Variants in BBX observed in about 807,000 individuals in gnomAD.
BBX encodes the protein BBX high mobility group box domain containing, also known as HMG box transcription factor BBX.
Under a neutral mutation model 100.2 loss-of-function variants are expected in BBX, and 30 were observed. That is an observed-to-expected ratio of 0.30 (90% CI 0.22 to 0.41). The LOEUF is 0.41. Ranked by LOEUF, BBX falls within the 10% of genes least tolerant of loss-of-function variation. BBX has a pLI of 1.00. For synonymous variants in BBX, 376 were observed against 388.1 expected (o/e 0.97, Z 0.37); for missense variants, 1,023 against 1,129.8 (o/e 0.91, Z 1.35).
At chr3:107,580,470 C>G (rs1184714396) in intron 2 of BBX, among the ~76,000 whole-genome samples, 1 of 151,930 alleles carries the variant, frequency 6.6e-6, no homozygotes, top group Non-Finnish European at 1.5e-5. Flanking sequence ...ACTGAAGATT[C>G]CAAAACAAAA....
chr3:107,760,592 A>G (rs2065821525), intron 10 of BBX, among the ~76,000 whole-genome samples: 1 of 152,234 alleles, frequency 6.6e-6, no homozygotes, highest in Admixed American at 6.5e-5. Context: ...TTAATAAGGA[A>G]TCATGCAAGG....
At chr3:107,763,293 C>T (rs955315230) in intron 10 of BBX, among the ~76,000 whole-genome samples, 2 of 150,532 alleles carry the variant, frequency 1.3e-5, no homozygotes, top group African/African-American at 2.4e-5. Flanking sequence ...GGCGCGATCT[C>T]GGCTCACTGC....
intron 2 of BBX, among the ~76,000 whole-genome samples, chr3:107,547,215 A>G (rs2049306086): frequency 6.6e-6 from 1 of 152,212 alleles, no homozygotes; most frequent in Middle Eastern, 3.2e-3. Context: ...GGATGATGGC[A>G]TAAATTGTAA....
intron 2 of BBX, among the ~76,000 whole-genome samples, chr3:107,552,625 C>T (rs2049791161): frequency 6.6e-6 from 1 of 152,114 alleles, no homozygotes; most frequent in Non-Finnish European, 1.5e-5. Context: ...AGTGTGAAAT[C>T]AAGTGACTTC....
intron 2 of BBX, among the ~76,000 whole-genome samples, chr3:107,639,510 T>C (rs2057063210): frequency 6.6e-6 from 1 of 152,236 alleles, no homozygotes; most frequent in Admixed American, 6.5e-5. Flanking sequence ...TTATTCCTGA[T>C]GTAGCTGCTG....
intron 6 of BBX, among the ~76,000 whole-genome samples, chr3:107,732,215 A>G (rs956149152): frequency 6.6e-6 from 1 of 152,026 alleles, no homozygotes; most frequent in Non-Finnish European, 1.5e-5. Flanking sequence ...ACTGTTCCCA[A>G]TTCTGCTTTC....
chr3:107,589,237 C>G (rs1037584519), intron 2 of BBX, among the ~76,000 whole-genome samples: 1 of 152,160 alleles, frequency 6.6e-6, no homozygotes, highest in Non-Finnish European at 1.5e-5. Context: ...TTTTGAACAT[C>G]TACTATTTGA....
intron 2 of BBX, among the ~76,000 whole-genome samples, chr3:107,565,759 GT>G (rs1243651554): frequency 4.0e-5 from 6 of 149,028 alleles, no homozygotes; most frequent in Admixed American, 2.0e-4. Context: ...GCCCAACCTA[GT>G]TTTTTTTTTA....
intron 2 of BBX, among the ~76,000 whole-genome samples, chr3:107,574,124 A>G (rs926855444): frequency 2.6e-5 from 4 of 152,246 alleles, no homozygotes; most frequent in Non-Finnish European, 5.9e-5. Flanking sequence ...TTTAACAGCT[A>G]TCATTTCTTG....
rs1452382714 is a variant in BBX, at chr3:107,645,851, C to T, written c.-68C>T. The T allele has an allele frequency of 5.2e-5, 8 of 152,578 alleles. No individual in the cohort carries two copies. The highest frequency in any genetic ancestry group is 1.5e-5 in the Non-Finnish European group (1 of 68,014). 9.5% of individuals were successfully genotyped at this position (152,578 alleles called of 1,614,324 possible). On this transcript the variant is annotated 5_prime_UTR_variant, in exon 3 of 18. Coordinates refer to ENST00000325805, the MANE Select transcript of BBX (RefSeq NM_001142568.3). ...TCCTTCACAGAATCCTGCTGCATCA[C>T]AGAAGCTGGAAGTTCTGATGTTCCA... is the stretch of plus-strand genomic sequence containing the variant.
intron 2 of BBX, among the ~76,000 whole-genome samples, chr3:107,550,147 T>A (rs564061969): frequency 6.6e-6 from 1 of 151,734 alleles, no homozygotes; most frequent in African/African-American, 2.4e-5. Flanking sequence ...TCACAAGGAG[T>A]GTATACAACA....
At chr3:107,631,836 T>A (rs548082242) in intron 2 of BBX, among the ~76,000 whole-genome samples, 1 of 152,346 alleles carries the variant, frequency 6.6e-6, no homozygotes, top group East Asian at 1.9e-4. Flanking sequence ...CCATAAGAAA[T>A]GTAAATAGTA....
chr3:107,716,603 A>G lies in BBX; in HGVS notation c.163-4A>G. On this transcript the variant is annotated splice_polypyrimidine_tract_variant and splice_region_variant and intron_variant, in intron 4 of 17. Coordinates refer to ENST00000325805, the MANE Select transcript of BBX (RefSeq NM_001142568.3). The stretch of plus-strand genomic sequence containing the variant: ...AGATCTGGCTTTGTTTTTGGTGGTA[A>G]TAGGTTCAACTTCTTGGGGCCGATG... 6.2e-7 allele frequency: 1 copy of G among 1,612,260 alleles called. No individual in the cohort carries two copies. Among genetic ancestry groups the G allele is most frequent in the Middle Eastern group, 1.7e-4 (1 of 6,044 alleles).
At chr3:107,788,806 A>C (rs1019597217) in intron 13 of BBX, among the ~76,000 whole-genome samples, 3 of 152,066 alleles carry the variant, frequency 2.0e-5, no homozygotes, top group African/African-American at 7.2e-5. Flanking sequence ...TAAAGACAGA[A>C]TGGAAAGAGA....
At chr3:107,723,943 G>C (rs552844036) in intron 5 of BBX, among the ~76,000 whole-genome samples, 1 of 152,146 alleles carries the variant, frequency 6.6e-6, no homozygotes, top group Non-Finnish European at 1.5e-5. Context: ...GGATGGCTGG[G>C]TCAAATGGTA....
chr3:107,626,028 C>G (rs945890280), intron 2 of BBX, among the ~76,000 whole-genome samples: 1 of 152,076 alleles, frequency 6.6e-6, no homozygotes, highest in Non-Finnish European at 1.5e-5. Context: ...CACATAAGTT[C>G]TGGACATATT....
At chr3:107,569,716 C>A (rs994309368) in intron 2 of BBX, among the ~76,000 whole-genome samples, 1 of 152,190 alleles carries the variant, frequency 6.6e-6, no homozygotes, top group African/African-American at 2.4e-5. Flanking sequence ...GTTTAGAAGC[C>A]TGGCTGTCAA....
chr3:107,688,355 G>A (rs1290389621), intron 3 of BBX, among the ~76,000 whole-genome samples: 1 of 152,206 alleles, frequency 6.6e-6, no homozygotes, highest in Non-Finnish European at 1.5e-5. Flanking sequence ...TTTTCAATGT[G>A]TTGTTGATGC....
chr3:107,594,320 C>T (rs371604204), intron 2 of BBX, among the ~76,000 whole-genome samples: 2 of 152,132 alleles, frequency 1.3e-5, no homozygotes, highest in African/African-American at 4.8e-5. Context: ...GACCAGCTTC[C>T]TTGGTGACTT....
Sources: allele counts gnomAD v4.1 joint callset (sites outside exome capture counted in the v4.1 genomes callset), GRCh38; gene constraint gnomAD v4.1.1; transcripts MANE v1.5; gene names NCBI Gene and HGNC (gene_info 2026-07-23, HGNC 2026-07-21).